The following SFMBT2 variants were observed in gnomAD, a reference collection of about 807,000 sequenced individuals.
SFMBT2 encodes the protein Scm like with four mbt domains 2.
A neutral mutation model predicts 110.1 loss-of-function variants in SFMBT2; 38 were observed. The observed-to-expected ratio is 0.35, with a 90% confidence interval of 0.27 to 0.45. The LOEUF is 0.45. Ranked by LOEUF, SFMBT2 falls within the 20% of genes least tolerant of loss-of-function variation. The pLI is 1.00. For missense variants in SFMBT2, 1,011 were observed against 1,094.9 expected, an observed-to-expected ratio of 0.92 and a Z score of 1.08; for synonymous variants, 425 against 425.4, an observed-to-expected ratio of 1.00 and a Z score of 0.01.
At chr10:7,391,187 G>C (rs1377943494) in intron 1 of SFMBT2, among the ~76,000 whole-genome samples, 1 of 152,054 alleles carries the variant, frequency 6.6e-6, no homozygotes, top group East Asian at 1.9e-4. Context: ...TAGCACAGTG[G>C]CTGGGCGTGG....
At chr10:7,224,559 T>G (rs10905119) in intron 10 of SFMBT2, among the ~76,000 whole-genome samples, 40,055 of 151,988 alleles carry the variant, frequency 0.26, 5,704 homozygotes, top group South Asian at 0.4. Context: ...GGGACAATTC[T>G]CCCATGCTAT....
Position 7,172,731 on chromosome 10 carries a change from A to T in SFMBT2, c.1985-70T>A. Reference sequence around the variant, plus strand: ...ACAGACATGAACAGAGAGAGGAGAGAGAAAGAAGGGAAACGATTCTTTCAT... The same window carrying T: ...ACAGACATGAACAGAGAGAGGAGAGTGAAAGAAGGGAAACGATTCTTTCAT... On this transcript the variant is annotated intron_variant, in intron 17 of 20. Transcript: ENST00000397167. This position sits in a 1 kb window ranked among gnomAD's most constrained non-coding sequence, Gnocchi z 4.6. 5.3e-6 allele frequency: 8 copies of T among 1,499,572 alleles called. No individual in the cohort carries two copies. Among genetic ancestry groups the T allele is most frequent in the Non-Finnish European group, 7.2e-6 (8 of 1,114,490 alleles). The allele number at this position is 1,499,572 out of a possible 1,614,324, so 92.9% of individuals were successfully genotyped here.
chr10:7,405,947 CTT>C (rs938268261), intron 1 of SFMBT2, among the ~76,000 whole-genome samples: 1 of 142,068 alleles, frequency 7.0e-6, no homozygotes, highest in African/African-American at 2.6e-5. Flanking sequence ...AATTTCCCAA[CTT>C]TTTTTTTTTT....
At chr10:7,304,865 C>T (rs561159663) in intron 4 of SFMBT2, among the ~76,000 whole-genome samples, 1 of 152,212 alleles carries the variant, frequency 6.6e-6, no homozygotes. Context: ...CTAAAGGAGA[C>T]AGCTCTCCAT....
At chr10:7,336,775 G>T (rs1227028984) in intron 4 of SFMBT2, among the ~76,000 whole-genome samples, 7 of 152,064 alleles carry the variant, frequency 4.6e-5, no homozygotes, top group Non-Finnish European at 7.4e-5. Context: ...TTTATGAGAA[G>T]GTTAACAGGG....
At chr10:7,402,776 G>A (rs1846113118) in intron 1 of SFMBT2, among the ~76,000 whole-genome samples, 1 of 152,144 alleles carries the variant, frequency 6.6e-6, no homozygotes, top group Non-Finnish European at 1.5e-5. Context: ...CAGCTGTGGT[G>A]TCAGTCTTCA....
At chr10:7,347,826 T>C (rs1844168424) in intron 4 of SFMBT2, among the ~76,000 whole-genome samples, 1 of 152,228 alleles carries the variant, frequency 6.6e-6, no homozygotes, top group Non-Finnish European at 1.5e-5. Flanking sequence ...TGGTTAGTTA[T>C]TCATGTCAAC....
At position 7,188,797 on chromosome 10, in the gene SFMBT2, G is replaced by A. The variant is rs1838505173; in HGVS notation, c.1699-64C>T. The stretch of plus-strand genomic sequence containing the variant: ...CATTCATTCCTACTAACACAAGGAT[G>A]CTTTGAAAACCACACCACTGACATT... On this transcript the variant is annotated intron_variant, in intron 15 of 20. Transcript: ENST00000397167. 6 of 1,388,870 alleles carry A rather than the reference G, an allele frequency of 4.3e-6. No individual in the cohort carries two copies. The East Asian group carries it at 1.4e-4, about 32-fold the overall frequency. 86.0% of individuals were successfully genotyped at this position (1,388,870 alleles called of 1,614,324 possible).
chr10:7,191,108 A>C (rs1338813547), intron 15 of SFMBT2, among the ~76,000 whole-genome samples: 1 of 145,676 alleles, frequency 6.9e-6, no homozygotes, highest in Non-Finnish European at 1.5e-5. Flanking sequence ...CTTTTCCTTT[A>C]TAAATTGCCC....
chr10:7,204,631 T>C (rs1280973794), intron 12 of SFMBT2: 27 of 451,268 alleles, frequency 6.0e-5, no homozygotes, highest in Non-Finnish European at 7.6e-5. Flanking sequence ...TCCAGCACTT[T>C]GGGAGGCCAA....
intron 15 of SFMBT2, among the ~76,000 whole-genome samples, chr10:7,192,763 G>A (rs955378005): frequency 4.6e-5 from 7 of 152,226 alleles, no homozygotes; most frequent in Non-Finnish European, 5.9e-5. Context: ...TGAGCCCTTT[G>A]GGGGTCGGAG....
intron 4 of SFMBT2, among the ~76,000 whole-genome samples, chr10:7,314,041 T>A (rs907983436): frequency 1.3e-5 from 2 of 152,258 alleles, no homozygotes; most frequent in Non-Finnish European, 2.9e-5. Context: ...AAGTTACTTT[T>A]GTCATTTTTT....
In SFMBT2 at chr10:7,245,927, AGT is replaced by A. The variant is rs540500696; in HGVS notation, c.973-2224_973-2223del. ...TCATTGTGATGAGTAATGACAGCAC[AGT>A]GTGTTATATTTTCAAACATAATATT... On this transcript the variant is annotated intron_variant, in intron 8 of 20. Transcript: ENST00000397167. 6.1e-3 allele frequency among the ~76,000 whole-genome samples: 932 copies of A among 152,352 alleles called. 15 individuals carry two copies. The highest frequency in any genetic ancestry group is 0.021 in the African/African-American group (866 of 41,582).
rs1228103064 is a variant in SFMBT2, at chr10:7,176,062, T to C, written c.1912A>G (p.Asn638Asp). 6.2e-7 allele frequency: 1 copy of C among 1,614,032 alleles called. No individual in the cohort carries two copies. Among genetic ancestry groups the C allele is most frequent in the Non-Finnish European group, 8.5e-7 (1 of 1,180,040 alleles). ...GATATCAGCACAGGACTAAACAAATTTGGACAGCACTCTAGCTTGGCACAG... is the reference window on the plus strand; with the variant it reads ...GATATCAGCACAGGACTAAACAAATCTGGACAGCACTCTAGCTTGGCACAG... Reference protein sequence around the residue: ...RVCAKLECCPNLFSPVLISEN... With the variant: ...RVCAKLECCPDLFSPVLISEN... The change falls in exon 17 of 21, where the codon AAT becomes GAT. Residue 638 changes from asparagine (N) to aspartate (D), a missense_variant. By Grantham distance (23) the Asn-to-Asp change is conservative. Coordinates refer to ENST00000397167, the MANE Select transcript of SFMBT2 (RefSeq NM_001387889.1).
intron 2 of SFMBT2, among the ~76,000 whole-genome samples, chr10:7,375,451 G>A (rs946735305): frequency 1.3e-5 from 2 of 152,122 alleles, no homozygotes; most frequent in Non-Finnish European, 2.9e-5. Flanking sequence ...CACCTTCTTA[G>A]ATGCTAGATA....
At position 7,160,983 on chromosome 10, in the gene SFMBT2, G is replaced by A. The variant is rs1837536390; in HGVS notation, c.*2787C>T. 1 of 152,228 alleles carries A rather than the reference G, an allele frequency of 6.6e-6. No homozygotes were observed. Among genetic ancestry groups the A allele is most frequent in the Admixed American group, 6.5e-5 (1 of 15,282 alleles). 9.4% of individuals were successfully genotyped at this position (152,228 alleles called of 1,614,324 possible). A position where few individuals can be genotyped will look rare whatever the true frequency, so the allele number is the denominator to read the frequency against. Reference sequence around the variant, plus strand: ...AACTTTCATGGCGACGCCAGGCTGCGCCCTCCTGTGCAGTGGTCCCAGCCA... The same window carrying A: ...AACTTTCATGGCGACGCCAGGCTGCACCCTCCTGTGCAGTGGTCCCAGCCA... On this transcript the variant is annotated 3_prime_UTR_variant, in exon 21 of 21. Coordinates refer to ENST00000397167, the MANE Select transcript of SFMBT2 (RefSeq NM_001387889.1).
At chr10:7,358,283 C>T (rs1195119341) in intron 4 of SFMBT2, among the ~76,000 whole-genome samples, 2 of 151,186 alleles carry the variant, frequency 1.3e-5, no homozygotes, top group Non-Finnish European at 3.0e-5. Context: ...ATCAACATGG[C>T]CCTAGAACAT....
chr10:7,197,461 T>C (rs1838812399), intron 15 of SFMBT2, 87 bp downstream of exon 15: 2 of 1,533,266 alleles, frequency 1.3e-6, no homozygotes, highest in Admixed American at 1.9e-5. Context: ...CTGCTTCCAA[T>C]GCCTATTCCC....
At chr10:7,164,179 G>A in intron 20 of SFMBT2, 4 of 932,152 alleles carry the variant, frequency 4.3e-6, no homozygotes, top group South Asian at 4.9e-5. Context: ...TTGAGACCAG[G>A]AGTTTGAGAC....
Sources: gnomAD v4.1 joint callset for allele counts (sites outside exome capture counted in the v4.1 genomes callset) on GRCh38, gnomAD v4.1.1 for gene constraint, Gnocchi (gnomAD v3.1) non-coding constraint, MANE v1.5 for transcripts, NCBI Gene and HGNC (gene_info 2026-07-23, HGNC 2026-07-21) for gene names.